Variants in CDCA2 observed in about 807,000 individuals in gnomAD.
CDCA2 encodes cell division cycle-associated protein 2.
CDCA2 carries 44 observed loss-of-function variants against 67.0 expected under a neutral mutation model. That is an observed-to-expected ratio of 0.66 (90% CI 0.52 to 0.84). The LOEUF is 0.84. CDCA2 is among the 40% of genes least tolerant of loss of function. CDCA2 has a pLI of 0.00. For synonymous variants in CDCA2, 447 were observed against 418.7 expected, an observed-to-expected ratio of 1.07 and a Z score of -0.82; for missense variants, 1,253 against 1,203.2, an observed-to-expected ratio of 1.04 and a Z score of -0.61.
intron 11 of CDCA2, among the ~76,000 whole-genome samples, chr8:25,486,784 C>T (rs1427793923): frequency 6.6e-6 from 1 of 152,036 alleles, no homozygotes; most frequent in African/African-American, 2.4e-5. Context: ...CACTGCACTC[C>T]AGCCTGGGTG....
Position 25,462,905 on chromosome 8 carries a change from T to C in CDCA2, c.387+697T>C, listed in dbSNP as rs571607834. On this transcript the variant is annotated intron_variant, in intron 4 of 14. Coordinates refer to ENST00000330560, the MANE Select transcript of CDCA2 (RefSeq NM_152562.4). ...TATGTTGCCCAGGCTTATTTTGAAC[T>C]CCTGACCCTAAGCAATCCCTATCAA... Among the ~76,000 whole-genome samples the C allele has an allele frequency of 1.3e-3, 197 of 152,286 alleles. 1 individual carries two copies. Among genetic ancestry groups the C allele is most frequent in the African/African-American group, 4.6e-3 (192 of 41,562 alleles).
chr8:25,507,845 TAATA>T lies in CDCA2; in HGVS notation c.*114_*117del, dbSNP rs1454706554. On this transcript the variant is annotated 3_prime_UTR_variant, in exon 15 of 15. Coordinates refer to ENST00000330560, the MANE Select transcript of CDCA2 (RefSeq NM_152562.4). ...TCAACCTCAGTGTTTCAAAAGTTCC[TAATA>T]AATAAACTCATTTGAGTTGAACCTA... The T allele has an allele frequency of 4.1e-6, 5 of 1,221,036 alleles. No homozygotes were observed. In the Admixed American group the frequency reaches 8.8e-5, roughly 21 times the overall value. 75.6% of individuals were successfully genotyped at this position (1,221,036 alleles called of 1,614,324 possible).
chr8:25,466,476 C>A, intron 5 of CDCA2, 151 bp downstream of exon 5: 1 of 695,528 alleles, frequency 1.4e-6, no homozygotes. Context: ...ACATTTCACA[C>A]AAAAATAAGG....
In CDCA2 at chr8:25,487,256, C is replaced by T; in HGVS notation, c.1455C>T (p.Thr485=). ...TGTCTTGTTTATCAGGCACTGATAC[C>T]TTTAGTTCTTCAAATAACCATGAGA... ...SISETLSGTD[T]FSSSNNHEKI... The change falls in exon 12 of 15, where the codon ACC becomes ACT. Residue 485 remains threonine (T), a synonymous_variant. Transcript: ENST00000330560. The T allele has an allele frequency of 6.2e-7, 1 of 1,610,148 alleles. No homozygotes were observed. The highest frequency in any genetic ancestry group is 8.5e-7 in the Non-Finnish European group (1 of 1,176,978).
Position 25,507,677 on chromosome 8 carries a change from A to G in CDCA2, c.3011A>G (p.Lys1004Arg), listed in dbSNP as rs1804742224. Reference sequence around the variant, plus strand: ...CGGAGAAGATCCTCTCTTAATGGGAAGGGAGAGAGCTCTCTGACTGCCTTG... The same window carrying G: ...CGGAGAAGATCCTCTCTTAATGGGAGGGGAGAGAGCTCTCTGACTGCCTTG... ...GYRRRSSLNG[K>R]GESSLTALER... is the part of the protein sequence containing the mutation. The change falls in exon 15 of 15, where the codon AAG (lysine) becomes AGG (arginine). Residue 1004 changes from lysine (K) to arginine (R), a missense_variant. Physicochemically the swap from Lys to Arg is conservative, Grantham distance 26. Coordinates refer to ENST00000330560, the MANE Select transcript of CDCA2 (RefSeq NM_152562.4). 6.2e-7 allele frequency: 1 copy of G among 1,614,170 alleles called. No individual in the cohort carries two copies. Among genetic ancestry groups the G allele is most frequent in the Non-Finnish European group, 8.5e-7 (1 of 1,180,010 alleles).
At position 25,484,111 on chromosome 8, in the gene CDCA2, T is replaced by TA. The variant is rs774529618; in HGVS notation, c.1272dup (p.Asp425ArgfsTer11). 45 of 1,614,048 alleles carry TA rather than the reference T, an allele frequency of 2.8e-5. No homozygotes were observed. The highest frequency in any genetic ancestry group is 1.1e-4 in the South Asian group (10 of 91,088). ...TGCGTAAAGGAGGAACACCTGTTTG[T>TA]AAAAAAGACTTCAGTGGTCTCAGTT... is the stretch of plus-strand genomic sequence containing the variant. On this transcript the variant is annotated frameshift_variant, in exon 10 of 15. Coordinates refer to ENST00000330560, the MANE Select transcript of CDCA2 (RefSeq NM_152562.4). LOFTEE classifies it high-confidence loss of function.
chr8:25,503,784 C>G (rs993998538), intron 14 of CDCA2, among the ~76,000 whole-genome samples: 2 of 152,100 alleles, frequency 1.3e-5, no homozygotes, highest in African/African-American at 2.4e-5. Flanking sequence ...CCAGGAAAAC[C>G]GAGACACAAG....
At chr8:25,462,512 A>C (rs1802737030) in intron 4 of CDCA2, among the ~76,000 whole-genome samples, 1 of 100,234 alleles carries the variant, frequency 1.0e-5, no homozygotes, top group South Asian at 2.9e-4. Context: ...CCGAAATTCC[A>C]GCTACTTGGA....
At chr8:25,469,588 G>C (rs116320119) in intron 6 of CDCA2, among the ~76,000 whole-genome samples, 158 of 152,178 alleles carry the variant, frequency 1.0e-3, no homozygotes, top group African/African-American at 3.7e-3. Context: ...AGCTATCTAG[G>C]CTATAACAAC....
chr8:25,499,111 G>T (rs1804365638), intron 13 of CDCA2, among the ~76,000 whole-genome samples: 1 of 151,970 alleles, frequency 6.6e-6, no homozygotes, highest in South Asian at 2.1e-4. Flanking sequence ...CTTTTTGGGT[G>T]TTTGAAATTT....
chr8:25,488,421 G>T, intron 12 of CDCA2, 131 bp from the exon 13 acceptor site: 4 of 750,266 alleles, frequency 5.3e-6, no homozygotes, highest in Non-Finnish European at 7.7e-6. Flanking sequence ...TTTTAATAAG[G>T]TTTGTGAATT....
chr8:25,468,564 T>C (rs1457034066), intron 6 of CDCA2, 151 bp downstream of exon 6: 7 of 447,242 alleles, frequency 1.6e-5, no homozygotes, highest in African/African-American at 4.2e-5. Flanking sequence ...TGTGCGTGTG[T>C]GTGTGTGTGT....
chr8:25,460,672 T>A, intron 3 of CDCA2, 118 bp downstream of exon 3: 1 of 1,024,944 alleles, frequency 9.8e-7, no homozygotes, highest in Non-Finnish European at 1.4e-6. Flanking sequence ...TTGCCTACTC[T>A]GCAAACTTGC....
chr8:25,476,467 G>A (rs1803350857), intron 7 of CDCA2, among the ~76,000 whole-genome samples: 1 of 152,012 alleles, frequency 6.6e-6, no homozygotes, highest in Non-Finnish European at 1.5e-5. Context: ...TCACCCCTAA[G>A]CCCTCCTGCA....
chr8:25,483,171 T>G (rs1338007354), intron 8 of CDCA2, among the ~76,000 whole-genome samples: 1 of 152,212 alleles, frequency 6.6e-6, no homozygotes, highest in East Asian at 1.9e-4. Flanking sequence ...TTCTATGCTT[T>G]AATTTTGCCC....
chr8:25,463,943 T>C (rs1484188621), intron 4 of CDCA2, among the ~76,000 whole-genome samples: 2 of 152,194 alleles, frequency 1.3e-5, no homozygotes, highest in African/African-American at 2.4e-5. Context: ...ACATCTTCCC[T>C]TAGACCTCTT....
chr8:25,486,643 A>G (rs1054948378), intron 11 of CDCA2, among the ~76,000 whole-genome samples: 2 of 45,022 alleles, frequency 4.4e-5, no homozygotes, highest in African/African-American at 1.2e-4. Context: ...TCTCTACTGA[A>G]AATACAAAAA....
intron 8 of CDCA2, among the ~76,000 whole-genome samples, chr8:25,481,302 C>T (rs765290775): frequency 6.6e-6 from 1 of 151,228 alleles, no homozygotes; most frequent in Non-Finnish European, 1.5e-5. Flanking sequence ...ATCTTCTCCT[C>T]AAAAAGACTT....
At chr8:25,501,168 C>T (rs1804459692) in intron 13 of CDCA2, among the ~76,000 whole-genome samples, 1 of 152,166 alleles carries the variant, frequency 6.6e-6, no homozygotes. Context: ...CTGTGGACTT[C>T]TCATAGAATT....
Sources: gnomAD v4.1 joint callset for allele counts (sites outside exome capture counted in the v4.1 genomes callset) on GRCh38, gnomAD v4.1.1 for gene constraint, MANE v1.5 for transcripts, NCBI Gene and HGNC (gene_info 2026-07-23, HGNC 2026-07-21) for gene names.